PDCD11: variants seen among roughly 807,000 people sequenced by gnomAD.
PDCD11 encodes protein RRP5 homolog.
In PDCD11, 97 loss-of-function variants were observed where a neutral mutation model predicts 198.9. The ratio of observed to expected loss-of-function variants is 0.49; its 90% CI spans 0.41 to 0.58. PDCD11 has a LOEUF of 0.58. PDCD11 is among the 20% of genes least tolerant of loss of function. PDCD11 has a pLI of 0.00. For synonymous variants in PDCD11, 893 were observed against 918.0 expected, an observed-to-expected ratio of 0.97 and a Z score of 0.49; for missense variants, 2,102 against 2,312.7, an observed-to-expected ratio of 0.91 and a Z score of 1.87.
At position 103,423,204 on chromosome 10, in the gene PDCD11, G is replaced by T. The variant is rs975605224; in HGVS notation, c.2647+67G>T. On this transcript the variant is annotated intron_variant, in intron 18 of 35. Coordinates refer to ENST00000369797, the MANE Select transcript of PDCD11 (RefSeq NM_014976.2). ...CCTTTGTCCATTGCTCCCTCTCCTG[G>T]ATATAGAATTTCTAAATACTTACGG... is the stretch of plus-strand genomic sequence containing the variant. 8.4e-6 allele frequency: 12 copies of T among 1,434,974 alleles called. No individual in the cohort carries two copies. In the Admixed American group the frequency reaches 2.4e-4, roughly 29 times the overall value. 88.9% of individuals were successfully genotyped at this position (1,434,974 alleles called of 1,614,324 possible). A position where few individuals can be genotyped will look rare whatever the true frequency, so the allele number is the denominator to read the frequency against.
chr10:103,409,742 C>T lies in PDCD11; in HGVS notation c.914C>T (p.Thr305Met), dbSNP rs146625130. The change falls in exon 8 of 36, where the codon ACG (threonine) becomes ATG (methionine). Residue 305 changes from threonine (T) to methionine (M), a missense_variant. By Grantham distance (81) the Thr-to-Met change is moderately conservative. Coordinates refer to ENST00000369797, the MANE Select transcript of PDCD11 (RefSeq NM_014976.2). ...GLTLNFLTFF[T>M]GVVDFMHLDP... ...ACGCTAAACTTCCTCACATTCTTCACGGGCGTGGTTGACTTTATGCACCTG... is the reference window on the plus strand; with the variant it reads ...ACGCTAAACTTCCTCACATTCTTCATGGGCGTGGTTGACTTTATGCACCTG... 3.0e-5 allele frequency: 49 copies of T among 1,613,900 alleles called. 1 individual carries two copies. Among genetic ancestry groups the T allele is most frequent in the Admixed American group, 1.5e-4 (9 of 59,994 alleles).
chr10:103,429,685 T>C (rs1441118864), intron 21 of PDCD11, among the ~76,000 whole-genome samples: 2 of 152,156 alleles, frequency 1.3e-5, no homozygotes, highest in East Asian at 3.8e-4. Flanking sequence ...TTTTCAGGTA[T>C]ACATTACCTG....
At chr10:103,400,109 T>C (rs2029916308) in intron 2 of PDCD11, among the ~76,000 whole-genome samples, 1 of 152,082 alleles carries the variant, frequency 6.6e-6, no homozygotes, top group South Asian at 2.1e-4. Context: ...CTTCTCAAAC[T>C]GGGGAACCCA....
chr10:103,434,704 A>G (rs1228708403), intron 24 of PDCD11, 94 bp from the exon 25 acceptor site: 10 of 1,024,900 alleles, frequency 9.8e-6, no homozygotes, highest in Non-Finnish European at 1.1e-5. Context: ...AAGTCTGGGC[A>G]GCCTCCACCT....
At chr10:103,404,209 T>A (rs571161665) in intron 4 of PDCD11, among the ~76,000 whole-genome samples, 40 of 149,450 alleles carry the variant, frequency 2.7e-4, no homozygotes, top group African/African-American at 9.6e-4. Context: ...GGCTGGTCTC[T>A]AACTCCTGAC....
chr10:103,420,347 C>T (rs1463659224), intron 16 of PDCD11, among the ~76,000 whole-genome samples: 1 of 152,136 alleles, frequency 6.6e-6, no homozygotes, highest in Non-Finnish European at 1.5e-5. Context: ...AATTGATCAT[C>T]CTGAGCTACT....
At chr10:103,403,682 G>A (rs2030257850) in intron 4 of PDCD11, among the ~76,000 whole-genome samples, 1 of 152,212 alleles carries the variant, frequency 6.6e-6, no homozygotes, top group African/African-American at 2.4e-5. Flanking sequence ...TCAATGGGAA[G>A]TCCTTGAAAT....
Position 103,422,406 on chromosome 10 carries a change from G to C in PDCD11, c.2498-582G>C, listed in dbSNP as rs527927827. 8.6e-5 allele frequency among the ~76,000 whole-genome samples: 13 copies of C among 151,588 alleles called. No individual in the cohort carries two copies. The South Asian group carries it at 2.7e-3, about 32-fold the overall frequency. ...AAAGTGCACAGTTATTATGTGTGCA[G>C]CTCAATAAATGTTTATATTACACCC... On this transcript the variant is annotated intron_variant, in intron 17 of 35. Transcript: ENST00000369797.
chr10:103,429,446 T>G (rs963922508), intron 21 of PDCD11, among the ~76,000 whole-genome samples: 5 of 152,112 alleles, frequency 3.3e-5, no homozygotes, highest in Non-Finnish European at 7.4e-5. Context: ...AACAGAAATT[T>G]CTTTTCTCAC....
In PDCD11 at chr10:103,425,154, A is replaced by C; in HGVS notation, c.2934A>C (p.Leu978=). 3.7e-6 allele frequency: 6 copies of C among 1,614,132 alleles called. No homozygotes were observed. The highest frequency in any genetic ancestry group is 5.1e-6 in the Non-Finnish European group (6 of 1,180,018). Residue 978 remains leucine (L), a synonymous_variant, in exon 20 of 36, where the codon CTA becomes CTC. Transcript: ENST00000369797. ...TGCAGGTGGGACAGGGTGTCTCCCT[A>C]ACCCTCAAGACCACAGAACCAGGAG... ...EKLQVGQGVS[L]TLKTTEPGVT... is the part of the protein sequence containing the mutation.
intron 17 of PDCD11, among the ~76,000 whole-genome samples, chr10:103,422,453 G>T (rs546410987): frequency 6.6e-6 from 1 of 150,728 alleles, no homozygotes; most frequent in South Asian, 2.1e-4. Flanking sequence ...AGGTCATTAC[G>T]AGCATCCTAG....
At chr10:103,439,635 G>A in intron 27 of PDCD11, 111 bp from the exon 28 acceptor site, 1 of 1,270,420 alleles carries the variant, frequency 7.9e-7, no homozygotes, top group Non-Finnish European at 1.1e-6. Context: ...ACTTATGTCT[G>A]TCACAAATCC....
chr10:103,413,362 G>A, intron 9 of PDCD11, 40 bp downstream of exon 9: 1 of 1,537,082 alleles, frequency 6.5e-7, no homozygotes, highest in Non-Finnish European at 9.0e-7. Context: ...TCTTATCACT[G>A]GAAGGACTTC....
intron 5 of PDCD11, 115 bp downstream of exon 5, chr10:103,405,298 T>A: frequency 1.0e-6 from 1 of 1,003,280 alleles, no homozygotes; most frequent in Non-Finnish European, 1.5e-6. Context: ...TAGGAGTGGT[T>A]CTTTTTCTGG....
chr10:103,438,857 T>C (rs374082460), intron 27 of PDCD11, 49 bp downstream of exon 27: 2 of 1,604,092 alleles, frequency 1.2e-6, no homozygotes, highest in Non-Finnish European at 1.7e-6. Context: ...TCCCTGAGCC[T>C]GTGTTGCTCT....
intron 12 of PDCD11, 116 bp from the exon 13 acceptor site, chr10:103,416,375 A>T: frequency 1.0e-6 from 1 of 956,526 alleles, no homozygotes; most frequent in Non-Finnish European, 1.6e-6. Flanking sequence ...AGGAAAAGCT[A>T]TAGCAGGTTC....
intron 20 of PDCD11, among the ~76,000 whole-genome samples, chr10:103,427,040 T>C (rs2031727161): frequency 6.6e-6 from 1 of 151,980 alleles, no homozygotes; most frequent in African/African-American, 2.4e-5. Flanking sequence ...GCCCAGGAGA[T>C]TGAGGCTACA....
Position 103,406,162 on chromosome 10 carries a change from T to A in PDCD11, c.688+54T>A, listed in dbSNP as rs982642915. On this transcript the variant is annotated intron_variant, in intron 6 of 35. Coordinates refer to ENST00000369797, the MANE Select transcript of PDCD11 (RefSeq NM_014976.2). ...GGTGGTGAGGTGGTACATGTGGGGA[T>A]TATATTTAAGTGCCATTTTGATGAG... 6 of 1,591,720 alleles carry A rather than the reference T, an allele frequency of 3.8e-6. No individual in the cohort carries two copies. The African/African-American group carries it at 5.4e-5, about 14-fold the overall frequency.
chr10:103,404,389 C>T (rs921974824), intron 4 of PDCD11, among the ~76,000 whole-genome samples: 1 of 152,026 alleles, frequency 6.6e-6, no homozygotes, highest in Non-Finnish European at 1.5e-5. Context: ...ACCTCCAGCT[C>T]CCAGATTCAA....
Sources: gnomAD v4.1 joint callset for allele counts (sites outside exome capture counted in the v4.1 genomes callset) on GRCh38, gnomAD v4.1.1 for gene constraint, MANE v1.5 for transcripts, NCBI Gene and HGNC (gene_info 2026-07-23, HGNC 2026-07-21) for gene names.